ZNF260: variants seen among roughly 807,000 people sequenced by gnomAD.
ZNF260 encodes the protein zfp-260.
ZNF260 carries 21 observed loss-of-function variants against 29.3 expected under a neutral mutation model. The ratio of observed to expected loss-of-function variants is 0.72; its 90% CI spans 0.51 to 1.03. ZNF260 has a LOEUF of 1.03. Ranked by LOEUF, ZNF260 falls within the 50% of genes least tolerant of loss-of-function variation. The probability of loss-of-function intolerance (pLI) is 0.00; values close to 1 mark genes in which losing one functional copy is unlikely to be tolerated. For synonymous variants in ZNF260, 156 were observed against 156.8 expected (o/e 0.99, Z 0.04); for missense variants, 465 against 487.8 (o/e 0.95, Z 0.44).
At position 36,514,016 on chromosome 19, in the gene ZNF260, C is replaced by A; in HGVS notation, c.1223G>T (p.Arg408Ile). 1 of 1,612,896 alleles carries A rather than the reference C, an allele frequency of 6.2e-7. No homozygotes were observed. The highest frequency in any genetic ancestry group is 8.5e-7 in the Non-Finnish European group (1 of 1,179,168). Residue 408 changes from arginine to isoleucine, a missense_variant, in exon 3 of 3, where the codon AGA becomes ATA. Coordinates refer to ENST00000523638, the MANE Select transcript of ZNF260 (RefSeq NM_001166037.2). ...TAGAGAACTTTAATGAGTATGAATT[C>A]TCTGGTGTCTAATGTGATGTGACTT... Reference protein sequence around the residue: ...SQKSHHIRHQRIHTH With the variant: ...SQKSHHIRHQIIHTH
rs2034469195 is a variant in ZNF260, at chr19:36,512,591, C to T, written c.*1409G>A. Reference sequence around the variant, plus strand: ...CCTTTCAATCCATTCTTTAGTTTTACATAATTTATCCATAACCAATTCTTA... The same window carrying T: ...CCTTTCAATCCATTCTTTAGTTTTATATAATTTATCCATAACCAATTCTTA... On this transcript the variant is annotated 3_prime_UTR_variant, in exon 3 of 3. Coordinates refer to ENST00000523638, the MANE Select transcript of ZNF260 (RefSeq NM_001166037.2). 1 of 151,920 alleles carries T rather than the reference C, an allele frequency of 6.6e-6. No homozygotes were observed. The highest frequency in any genetic ancestry group is 1.5e-5 in the Non-Finnish European group (1 of 68,002). The allele number at this position is 151,920 out of a possible 1,614,324, so 9.4% of individuals were successfully genotyped here.
At chr19:36,516,874 G>A (rs540709500) in intron 2 of ZNF260, among the ~76,000 whole-genome samples, 5 of 152,146 alleles carry the variant, frequency 3.3e-5, no homozygotes, top group East Asian at 1.9e-4. Flanking sequence ...CACTGCGCCC[G>A]GCCGACTTGG....
chr19:36,515,378 G>A lies in ZNF260; in HGVS notation c.-140C>T, dbSNP rs1600208739. 19 of 899,692 alleles carry A rather than the reference G, an allele frequency of 2.1e-5. No homozygotes were observed. The East Asian group carries it at 4.9e-4, about 23-fold the overall frequency. The allele number at this position is 899,692 out of a possible 1,614,324, so 55.7% of individuals were successfully genotyped here. On this transcript the variant is annotated 5_prime_UTR_variant, in exon 3 of 3. Transcript: ENST00000523638. ...ATCTAATGAAGTTAAATTTATGATG[G>A]AAGACTTTTCTCACATTGATTACCC...
intron 2 of ZNF260, among the ~76,000 whole-genome samples, chr19:36,524,935 A>T (rs1251760612): frequency 6.6e-6 from 1 of 152,196 alleles, no homozygotes; most frequent in Non-Finnish European, 1.5e-5. Flanking sequence ...TCAGTCCTCT[A>T]GAATCTGATA....
intron 2 of ZNF260, among the ~76,000 whole-genome samples, chr19:36,522,327 G>A (rs969488264): frequency 1.3e-5 from 2 of 151,812 alleles, no homozygotes; most frequent in African/African-American, 4.8e-5. Flanking sequence ...GTGGTGACAT[G>A]TTCCTGTAAT....
rs371201502 is a variant in ZNF260 at position 36,514,847 on chromosome 19, G to A, written c.392C>T (p.Thr131Ile). The part of the protein sequence containing the change: ...PTIIRHQKNH[T>I]GTKPYACKEC... ...CTTACATGCATAGGGTTTGGTTCCT[G>A]TATGATTTTTCTGGTGTCTGATGAT... The change falls in exon 3 of 3, where the codon ACA (threonine) becomes ATA (isoleucine). Residue 131 changes from threonine (T) to isoleucine (I), a missense_variant. Coordinates refer to ENST00000523638, the MANE Select transcript of ZNF260 (RefSeq NM_001166037.2). 7.4e-6 allele frequency: 12 copies of A among 1,613,818 alleles called. No homozygotes were observed. The African/African-American group carries it at 1.3e-4, about 18-fold the overall frequency.
At chr19:36,522,818 GCA>G (rs2034669045) in intron 2 of ZNF260, among the ~76,000 whole-genome samples, 3 of 152,206 alleles carry the variant, frequency 2.0e-5, no homozygotes, top group Non-Finnish European at 4.4e-5. Context: ...AAGTTAGCAT[GCA>G]AATCTGGACT....
At position 36,514,739 on chromosome 19, in the gene ZNF260, T is replaced by C. The variant is rs1451542814; in HGVS notation, c.500A>G (p.Asn167Ser). ...IHTGEKPFEC[N>S]QCGRAFSQKQ... is the part of the protein sequence containing the mutation. The stretch of plus-strand genomic sequence containing the variant: ...CTGGCTGAAGGCTCTTCCACACTGA[T>C]TACATTCAAATGGTTTTTCTCCAGT... Residue 167 changes from asparagine (N) to serine (S), a missense_variant, in exon 3 of 3, where the codon AAT (asparagine) becomes AGT (serine). Coordinates refer to ENST00000523638, the MANE Select transcript of ZNF260 (RefSeq NM_001166037.2). The C allele has an allele frequency of 1.2e-6, 2 of 1,613,650 alleles. No homozygotes were observed. Among genetic ancestry groups the C allele is most frequent in the African/African-American group, 1.3e-5 (1 of 74,956 alleles).
chr19:36,522,805 CCAAAGT>C (rs2034668401), intron 2 of ZNF260, among the ~76,000 whole-genome samples: 3 of 152,180 alleles, frequency 2.0e-5, no homozygotes, highest in Non-Finnish European at 4.4e-5. Flanking sequence ...ACCATAAGCA[CCAAAGT>C]TAGCATGCAA....
intron 2 of ZNF260, among the ~76,000 whole-genome samples, chr19:36,520,484 C>T (rs34550124): frequency 0.22 from 33,396 of 151,724 alleles, 3,913 homozygotes; most frequent in South Asian, 0.37. Context: ...AGACAGAAAA[C>T]CTAAACAGAA....
chr19:36,514,353 T>A lies in ZNF260; in HGVS notation c.886A>T (p.Asn296Tyr), dbSNP rs2145739515. The A allele has an allele frequency of 1.2e-6, 2 of 1,614,150 alleles. No individual in the cohort carries two copies. The highest frequency in any genetic ancestry group is 3.3e-5 in the Admixed American group (2 of 60,022). The change falls in exon 3 of 3, where the codon AAT becomes TAT. Residue 296 changes from asparagine to tyrosine, a missense_variant. By Grantham distance (143) the Asn-to-Tyr change is moderately radical (BLOSUM62 -2). Coordinates refer to ENST00000523638, the MANE Select transcript of ZNF260 (RefSeq NM_001166037.2). ...RQKQYLIKHH[N>Y]IHTGEKPYEC... ...TAGGGTTTCTCTCCTGTATGAATAT[T>A]GTGATGTTTAATGAGGTATTGCTTC...
chr19:36,521,626 A>G (rs1356759392), intron 2 of ZNF260, among the ~76,000 whole-genome samples: 2 of 151,516 alleles, frequency 1.3e-5, no homozygotes, highest in African/African-American at 4.9e-5. Flanking sequence ...GGTGGTGGGC[A>G]TCTGTAAATT....
chr19:36,523,432 C>T (rs1194425621), intron 2 of ZNF260, among the ~76,000 whole-genome samples: 1 of 152,068 alleles, frequency 6.6e-6, no homozygotes, highest in East Asian at 1.9e-4. Context: ...CTCATAAAAA[C>T]ATTTAGAAGC....
Position 36,515,045 on chromosome 19 carries a change from G to A in ZNF260, c.194C>T (p.Ser65Phe), listed in dbSNP as rs1342824968. ...GTGTAGAGTAAGAGATGAGACTCGA[G>A]AGCACACTTTACCACATTCAGTGCA... ...HECTECGKVC[S>F]RVSSLTLHLR... The change falls in exon 3 of 3, where the codon TCT becomes TTT. Residue 65 changes from serine to phenylalanine, a missense_variant. Transcript: ENST00000523638. The A allele has an allele frequency of 6.2e-7, 1 of 1,614,062 alleles. No individual in the cohort carries two copies. Among genetic ancestry groups the A allele is most frequent in the Non-Finnish European group, 8.5e-7 (1 of 1,180,010 alleles).
At chr19:36,518,780 T>C (rs937447586) in intron 2 of ZNF260, among the ~76,000 whole-genome samples, 17 of 152,304 alleles carry the variant, frequency 1.1e-4, no homozygotes, top group African/African-American at 1.4e-4. Flanking sequence ...TTTAAAAAGA[T>C]AGCGGCGAAA....
chr19:36,523,285 G>T (rs1351342825), intron 2 of ZNF260, among the ~76,000 whole-genome samples: 4 of 152,136 alleles, frequency 2.6e-5, no homozygotes, highest in Non-Finnish European at 5.9e-5. Context: ...CACATGTCTT[G>T]CCAGGATTAT....
Position 36,513,666 on chromosome 19 carries a change from C to T in ZNF260, c.*334G>A, listed in dbSNP as rs1169751668. On this transcript the variant is annotated 3_prime_UTR_variant, in exon 3 of 3. Coordinates refer to ENST00000523638, the MANE Select transcript of ZNF260 (RefSeq NM_001166037.2). ...CATCACAAAAATGATAATTTTGTCT[C>T]TTAATTTCAAATCCTCATACATCTC... 1 of 414,952 alleles carries T rather than the reference C, an allele frequency of 2.4e-6. No individual in the cohort carries two copies. The highest frequency in any genetic ancestry group is 2.0e-5 in the African/African-American group (1 of 49,040). The allele number at this position is 414,952 out of a possible 1,614,324, so 25.7% of individuals were successfully genotyped here. A position where few individuals can be genotyped will look rare whatever the true frequency, so the allele number is the denominator to read the frequency against.
chr19:36,516,589 ATT>A (rs1477408757), intron 2 of ZNF260, among the ~76,000 whole-genome samples: 2 of 151,976 alleles, frequency 1.3e-5, no homozygotes, highest in East Asian at 3.9e-4. Flanking sequence ...CTTTTATTTT[ATT>A]TTTTTGGGTC....
Position 36,514,649 on chromosome 19 carries a change from C to A in ZNF260, c.590G>T (p.Cys197Phe), listed in dbSNP as rs1335781163. 6.2e-7 allele frequency: 1 copy of A among 1,614,066 alleles called. No homozygotes were observed. The highest frequency in any genetic ancestry group is 8.5e-7 in the Non-Finnish European group (1 of 1,180,002). Reference sequence around the variant, plus strand: ...TTCCTTCTGGCTAAAAGCTTTTCCACACTCACTACATTTAAAGGGCTTCTT... The same window carrying A: ...TTCCTTCTGGCTAAAAGCTTTTCCAAACTCACTACATTTAAAGGGCTTCTT... ...TGKKPFKCSE[C>F]GKAFSQKENL... Residue 197 changes from cysteine to phenylalanine, a missense_variant, in exon 3 of 3, where the codon TGT becomes TTT. Physicochemically the swap from Cys to Phe is radical, Grantham distance 205 (BLOSUM62 -2). Coordinates refer to ENST00000523638, the MANE Select transcript of ZNF260 (RefSeq NM_001166037.2).
Sources: gnomAD v4.1 joint callset for allele counts (sites outside exome capture counted in the v4.1 genomes callset) on GRCh38, gnomAD v4.1.1 for gene constraint, MANE v1.5 for transcripts, NCBI Gene and HGNC (gene_info 2026-07-23, HGNC 2026-07-21) for gene names.